Variants in CYP20A1 observed in about 807,000 individuals in gnomAD.
CYP20A1 encodes the protein cytochrome P450 20A1.
In CYP20A1, 61 loss-of-function variants were observed where a neutral mutation model predicts 61.4. That is an observed-to-expected ratio of 0.99 (90% confidence interval 0.81 to 1.23). CYP20A1 has a LOEUF of 1.23. CYP20A1 is among the 50% of genes most tolerant of loss of function. CYP20A1 has a pLI of 0.00. For synonymous variants in CYP20A1, 193 were observed against 188.2 expected (o/e 1.03, Z -0.21); for missense variants, 530 against 542.4 (o/e 0.98, Z 0.23).
At chr2:203,294,978 A>G (rs1365904715) in intron 11 of CYP20A1, among the ~76,000 whole-genome samples, 3 of 48,898 alleles carry the variant, frequency 6.1e-5, no homozygotes, top group African/African-American at 9.0e-5. Context: ...TTTGAGACAG[A>G]GTCTCACTCT....
intron 4 of CYP20A1, among the ~76,000 whole-genome samples, chr2:203,265,395 A>ATAACTTTT (rs1290096785): frequency 2.0e-5 from 3 of 152,200 alleles, no homozygotes; most frequent in Non-Finnish European, 2.9e-5. Flanking sequence ...AATGTCAGTG[A>ATAACTTTT]TAACTTTTAC....
Position 203,246,833 on chromosome 2 carries a change from T to C in CYP20A1, c.201T>C (p.Pro67=), listed in dbSNP as rs2066474955. The C allele has an allele frequency of 1.2e-6, 2 of 1,614,090 alleles. No homozygotes were observed. Among genetic ancestry groups the C allele is most frequent in the Non-Finnish European group, 1.7e-6 (2 of 1,179,946 alleles). Residue 67 remains proline, a synonymous_variant, in exon 3 of 13, where the codon CCT becomes CCC. Transcript: ENST00000356079. ...TTAATTTGCATGAGAGATATGGGCC[T>C]GTGGTCTCCTTCTGGTTTGGCAGGC... ...FLVNLHERYG[P]VVSFWFGRRL... is the part of the protein sequence containing the mutation.
At chr2:203,241,199 G>C (rs984236509) in intron 1 of CYP20A1, among the ~76,000 whole-genome samples, 2 of 152,186 alleles carry the variant, frequency 1.3e-5, no homozygotes, top group Non-Finnish European at 2.9e-5. Flanking sequence ...GGTTTTGCTG[G>C]TGGTGGTTGT....
rs1358464524 is a variant in CYP20A1 at position 203,304,871 on chromosome 2, G to A, written c.*7963G>A. Among the ~76,000 whole-genome samples, 1 of 152,150 alleles carries A rather than the reference G, an allele frequency of 6.6e-6. No homozygotes were observed. Among genetic ancestry groups the A allele is most frequent in the African/African-American group, 2.4e-5 (1 of 41,440 alleles). On this transcript the variant is annotated 3_prime_UTR_variant, in exon 13 of 13. Transcript: ENST00000356079. ...GGATTGCTTGAGCCCAGGAGGTAGA[G>A]GTTGCAGTGAGCCATGATCATGCCA...
At chr2:203,282,590 A>G (rs1233888640) in intron 8 of CYP20A1, among the ~76,000 whole-genome samples, 17 of 152,218 alleles carry the variant, frequency 1.1e-4, no homozygotes, top group Non-Finnish European at 7.3e-5. Flanking sequence ...ACACCAAGAA[A>G]AGTGACTATT....
chr2:203,292,404 A>C, intron 11 of CYP20A1, 78 bp downstream of exon 11: 1 of 990,024 alleles, frequency 1.0e-6, no homozygotes, highest in Non-Finnish European at 1.6e-6. Flanking sequence ...CTAACTGTTG[A>C]GTAGAAAACT....
At chr2:203,272,532 A>G in intron 5 of CYP20A1, 138 bp from the exon 6 acceptor site, 1 of 440,280 alleles carries the variant, frequency 2.3e-6, no homozygotes, top group South Asian at 3.7e-5. Flanking sequence ...CCTAGGTGAC[A>G]GAGCCGGAAC....
chr2:203,245,020 C>T (rs920978588), intron 1 of CYP20A1, among the ~76,000 whole-genome samples: 49 of 150,788 alleles, frequency 3.2e-4, no homozygotes, highest in African/African-American at 1.2e-3. Context: ...GCGTGAGCCA[C>T]CACGCCCAGC....
Position 203,252,009 on chromosome 2 carries a change from A to G in CYP20A1, c.332A>G (p.Gln111Arg). The G allele has an allele frequency of 6.2e-7, 1 of 1,609,656 alleles. No homozygotes were observed. The stretch of plus-strand genomic sequence containing the variant: ...ATGCTGAAGTCATTATTAAGGTATC[A>G]ATCTGGTGGTGGCAGTGTGAGTGAA... ...ETMLKSLLRY[Q>R]SGGGSVSENH... Residue 111 changes from glutamine to arginine, a missense_variant, in exon 4 of 13, where the codon CAA becomes CGA. Gln to Arg is a conservative substitution (Grantham distance 43). Transcript: ENST00000356079.
intron 5 of CYP20A1, among the ~76,000 whole-genome samples, chr2:203,271,649 T>C (rs1307663699): frequency 6.6e-6 from 1 of 152,208 alleles, no homozygotes; most frequent in Non-Finnish European, 1.5e-5. Flanking sequence ...TTTAACCTTT[T>C]TCTTTACCTC....
intron 6 of CYP20A1, among the ~76,000 whole-genome samples, chr2:203,273,880 GA>G (rs1485421303): frequency 1.3e-5 from 2 of 152,188 alleles, no homozygotes; most frequent in African/African-American, 4.8e-5. Context: ...CCTGGAGGCA[GA>G]AGTTGCAGTG....
Position 203,289,940 on chromosome 2 carries a change from G to GTA in CYP20A1, c.1083+78_1083+79dup, listed in dbSNP as rs150874350. 1.4e-3 allele frequency: 834 copies of GTA among 594,424 alleles called. 1 individual carries two copies. The highest frequency in any genetic ancestry group is 1.6e-3 in the Non-Finnish European group (601 of 367,588). 36.8% of individuals were successfully genotyped at this position (594,424 alleles called of 1,614,324 possible). ...CTCAACTCTTTTGGTGTGTGTGTGT[G>GTA]TATATATATATATATTTTAGACAGA... On this transcript the variant is annotated intron_variant, in intron 10 of 12. Coordinates refer to ENST00000356079, the MANE Select transcript of CYP20A1 (RefSeq NM_177538.3).
At chr2:203,268,025 C>CATAT (rs1403781423) in intron 5 of CYP20A1, among the ~76,000 whole-genome samples, 1 of 152,100 alleles carries the variant, frequency 6.6e-6, no homozygotes, top group South Asian at 2.1e-4. Context: ...CCCTCCCTCC[C>CATAT]ATATATCCTT....
chr2:203,281,742 A>G (rs1432163092), intron 8 of CYP20A1, among the ~76,000 whole-genome samples: 2 of 152,064 alleles, frequency 1.3e-5, no homozygotes, highest in Admixed American at 1.3e-4. Context: ...CAGAGGTTAC[A>G]GTGAGCTGAG....
intron 4 of CYP20A1, among the ~76,000 whole-genome samples, chr2:203,258,005 G>GCTCAAGTGCAGGGGCACAATTAT (rs1455916330): frequency 6.6e-6 from 1 of 151,750 alleles, no homozygotes; most frequent in African/African-American, 2.4e-5. Context: ...GGGCTGAAGG[G>GCTCAAGTGCAGGGGCACAATTAT]ATCCTCCTGC....
At position 203,285,639 on chromosome 2, in the gene CYP20A1, C is replaced by T. The variant is rs1269017450; in HGVS notation, c.878C>T (p.Thr293Ile). ...TGTACCTGGGCAATCTGTTTTTTAACCACCTCTGAAGAAGTTCAAAAAAAA... is the reference window on the plus strand; with the variant it reads ...TGTACCTGGGCAATCTGTTTTTTAATCACCTCTGAAGAAGTTCAAAAAAAA... The part of the protein sequence containing the change: ...KLCTWAICFL[T>I]TSEEVQKKLY... Residue 293 changes from threonine to isoleucine, a missense_variant, in exon 9 of 13, where the codon ACC becomes ATC. Physicochemically the swap from Thr to Ile is moderately conservative, Grantham distance 89 (BLOSUM62 -1). Transcript: ENST00000356079. 6.3e-7 allele frequency: 1 copy of T among 1,594,318 alleles called. No homozygotes were observed. The highest frequency in any genetic ancestry group is 8.5e-7 in the Non-Finnish European group (1 of 1,175,148).
intron 6 of CYP20A1, among the ~76,000 whole-genome samples, chr2:203,275,715 C>G (rs949855935): frequency 6.6e-6 from 1 of 152,206 alleles, no homozygotes; most frequent in Non-Finnish European, 1.5e-5. Context: ...GCTGGGATTA[C>G]AGGCGTGAGC....
chr2:203,278,957 TG>T (rs1463417164), intron 7 of CYP20A1, among the ~76,000 whole-genome samples: 1 of 152,114 alleles, frequency 6.6e-6, no homozygotes, highest in Non-Finnish European at 1.5e-5. Flanking sequence ...CATGTTTTTT[TG>T]GGTTTTTTGT....
intron 4 of CYP20A1, among the ~76,000 whole-genome samples, chr2:203,257,011 G>T (rs1323771456): frequency 2.0e-5 from 3 of 151,926 alleles, no homozygotes; most frequent in Admixed American, 6.6e-5. Context: ...ATAAAATTAA[G>T]ATTTTTTTTT....
Sources: allele counts gnomAD v4.1 joint callset (sites outside exome capture counted in the v4.1 genomes callset), GRCh38; gene constraint gnomAD v4.1.1; transcripts MANE v1.5; gene names NCBI Gene and HGNC (gene_info 2026-07-23, HGNC 2026-07-21).